The following PRMT7 variants were observed in gnomAD, a reference collection of about 807,000 sequenced individuals.
PRMT7 encodes protein arginine methyltransferase 7, also known as protein arginine N-methyltransferase 7.
A neutral mutation model predicts 85.4 loss-of-function variants in PRMT7; 75 were observed. The ratio of observed to expected loss-of-function variants is 0.88; its 90% CI spans 0.73 to 1.06. PRMT7 has a LOEUF of 1.06. Among genes scored for constraint, PRMT7 ranks in the 50% least tolerant of loss-of-function variants. The pLI is 0.00. For missense variants in PRMT7, 868 were observed against 915.2 expected, an observed-to-expected ratio of 0.95 and a Z score of 0.67; for synonymous variants, 397 against 359.5, an observed-to-expected ratio of 1.10 and a Z score of -1.18.
rs2088896284 is a variant in PRMT7 at position 68,357,980 on chromosome 16, A to C, written c.*756A>C. 6.6e-6 allele frequency: 1 copy of C among 152,274 alleles called. No homozygotes were observed. Among genetic ancestry groups the C allele is most frequent in the Non-Finnish European group, 1.5e-5 (1 of 68,092 alleles). The allele number at this position is 152,274 out of a possible 1,614,324, so 9.4% of individuals were successfully genotyped here. A position where few individuals can be genotyped will look rare whatever the true frequency, so the allele number is the denominator to read the frequency against. On this transcript the variant is annotated 3_prime_UTR_variant, in exon 19 of 19. Transcript: ENST00000441236. ...GCCCCTCCTGCAGGTGGGGTATGGC[A>C]GGGAGCAGCCCCTGCCCAGCGCCGC... is the stretch of plus-strand genomic sequence containing the variant.
downstream of PRMT7, chr16:68,360,172 G>A (rs1467017337): frequency 6.6e-6 from 1 of 152,654 alleles, no homozygotes; most frequent in Non-Finnish European, 1.5e-5. Flanking sequence ...CGGCACGCAG[G>A]TGGGGCACGT....
In PRMT7 at chr16:68,339,908, G is replaced by A. The variant is rs1287523209; in HGVS notation, c.867G>A (p.Glu289=). The A allele has an allele frequency of 1.2e-6, 2 of 1,614,178 alleles. No individual in the cohort carries two copies. The highest frequency in any genetic ancestry group is 1.7e-5 in the Admixed American group (1 of 60,018). Residue 289 remains glutamate, a synonymous_variant, in exon 9 of 19, where the codon GAG becomes GAA. Coordinates refer to ENST00000441236, the MANE Select transcript of PRMT7 (RefSeq NM_019023.5). ...GGTGGGACATTGAAATGGACCCTGAGGGGAAGATCAAGTGCACCATGGCCC... is the reference window on the plus strand; with the variant it reads ...GGTGGGACATTGAAATGGACCCTGAAGGGAAGATCAAGTGCACCATGGCCC... ...LSWWDIEMDP[E]GKIKCTMAPF...
chr16:68,360,625 G>C (rs936836105), downstream of PRMT7: 3 of 153,992 alleles, frequency 1.9e-5, no homozygotes. Flanking sequence ...TGGGCTGGCT[G>C]GTAGAGATGC....
Position 68,339,337 on chromosome 16 carries a change from G to A in PRMT7, c.520G>A (p.Val174Met), listed in dbSNP as rs761001815. 3.2e-5 allele frequency: 51 copies of A among 1,613,900 alleles called. No homozygotes were observed. Among genetic ancestry groups the A allele is most frequent in the Non-Finnish European group, 4.1e-5 (48 of 1,179,916 alleles). ...ATAAACTTAGGAAAATTGTGAGGCC[G>A]TGCCCCACAGAGCCACCGTCTATGC... The part of the protein sequence containing the change: ...RHLVEENCEA[V>M]PHRATVYAQL... The change falls in exon 8 of 19, where the codon GTG (valine) becomes ATG (methionine). Residue 174 changes from valine to methionine, a missense_variant. By Grantham distance (21) the Val-to-Met change is conservative. Transcript: ENST00000441236.
Position 68,315,906 on chromosome 16 carries a change from A to G in PRMT7, c.-74A>G. On this transcript the variant is annotated 5_prime_UTR_variant, in exon 3 of 19. Transcript: ENST00000441236. Reference sequence around the variant, plus strand: ...CTTCTGATGTTAATAGATTTCTGACAGTCAGACTTGTCCACAAGAACTCAA... The same window carrying G: ...CTTCTGATGTTAATAGATTTCTGACGGTCAGACTTGTCCACAAGAACTCAA... The G allele has an allele frequency of 8.2e-7, 1 of 1,219,334 alleles. No homozygotes were observed. The highest frequency in any genetic ancestry group is 1.2e-5 in the South Asian group (1 of 80,472). 75.5% of individuals were successfully genotyped at this position (1,219,334 alleles called of 1,614,324 possible).
Position 68,356,769 on chromosome 16 carries a change from C to G in PRMT7, c.1880C>G (p.Thr627Ser), listed in dbSNP as rs1302353254. 5 of 1,610,384 alleles carry G rather than the reference C, an allele frequency of 3.1e-6. No individual in the cohort carries two copies. The highest frequency in any genetic ancestry group is 4.2e-6 in the Non-Finnish European group (5 of 1,179,612). ...YHLTPECTLSTGLLEPADPEG... is the reference protein window; with the variant it reads ...YHLTPECTLSSGLLEPADPEG... ...CTGACCCCGGAGTGCACGCTCAGCA[C>G]TGGCCTCCTGGAGCCTGCAGACCCC... The change falls in exon 18 of 19, where the codon ACT becomes AGT. Residue 627 changes from threonine to serine, a missense_variant. Coordinates refer to ENST00000441236, the MANE Select transcript of PRMT7 (RefSeq NM_019023.5).
intron 10 of PRMT7, 132 bp from the exon 11 acceptor site, chr16:68,346,013 G>T: frequency 7.0e-7 from 1 of 1,420,850 alleles, no homozygotes; most frequent in Non-Finnish European, 9.6e-7. Context: ...GAGCAGATGC[G>T]TAGGAAAAGT....
intron 1 of PRMT7, chr16:68,311,447 C>G (rs1447659579): frequency 1.8e-5 from 4 of 218,322 alleles, no homozygotes; most frequent in East Asian, 1.7e-4. Flanking sequence ...ACTCACTGTT[C>G]TGAGTAATTG....
rs765684619 is a variant in PRMT7, at chr16:68,352,226, C to A, written c.1414-22C>A. On this transcript the variant is annotated intron_variant, in intron 14 of 18. Coordinates refer to ENST00000441236, the MANE Select transcript of PRMT7 (RefSeq NM_019023.5). ...ACCGAGCCCTACTGACACCTGGGCC[C>A]TGCTTCTCGCCCATTCACCAGGTCT... The A allele has an allele frequency of 8.1e-6, 13 of 1,610,298 alleles. No homozygotes were observed. In the South Asian group the frequency reaches 1.4e-4, roughly 18 times the overall value.
intron 2 of PRMT7, among the ~76,000 whole-genome samples, chr16:68,313,345 C>G (rs984653220): frequency 6.6e-6 from 1 of 152,178 alleles, no homozygotes; most frequent in African/African-American, 2.4e-5. Context: ...AACGATGACT[C>G]TTAACCTTGA....
chr16:68,355,945 C>G, intron 17 of PRMT7, 62 bp downstream of exon 17: 1 of 1,443,508 alleles, frequency 6.9e-7, no homozygotes, highest in Non-Finnish European at 9.2e-7. Context: ...AGTTCTCACC[C>G]CCGTGGTGAG....
chr16:68,328,653 CA>C (rs974697119), intron 5 of PRMT7: 10 of 185,334 alleles, frequency 5.4e-5, no homozygotes, highest in Admixed American at 4.9e-4. Flanking sequence ...TGTGTTCTGC[CA>C]ACAGTGGGGA....
Position 68,347,088 on chromosome 16 carries a change from CAG to C in PRMT7, c.1192-122_1192-121del, listed in dbSNP as rs1425179301. On this transcript the variant is annotated intron_variant, in intron 11 of 18. Transcript: ENST00000441236. Reference sequence around the variant, plus strand: ...TGGGGGTGGTTACTGCATGAGGACGCAGGGGGATGGTCTGAGGTCTGGGCAAG... The same window carrying C: ...TGGGGGTGGTTACTGCATGAGGACGCGGGGATGGTCTGAGGTCTGGGCAAG... The C allele has an allele frequency of 3.0e-5, 25 of 825,814 alleles. No individual in the cohort carries two copies. The African/African-American group carries it at 4.1e-4, about 14-fold the overall frequency. 51.2% of individuals were successfully genotyped at this position (825,814 alleles called of 1,614,324 possible). A position where few individuals can be genotyped will look rare whatever the true frequency, so the allele number is the denominator to read the frequency against.
At chr16:68,343,251 C>T (rs866903909) in intron 9 of PRMT7, among the ~76,000 whole-genome samples, 5 of 152,084 alleles carry the variant, frequency 3.3e-5, no homozygotes, top group Non-Finnish European at 5.9e-5. Flanking sequence ...CTTCGGAGCG[C>T]TACTATGTAT....
At chr16:68,311,580 G>C (rs1329309539) in intron 1 of PRMT7, 3 of 152,476 alleles carry the variant, frequency 2.0e-5, no homozygotes, top group Admixed American at 1.3e-4. Context: ...AAATCCAAAC[G>C]CCTTTCCGAA....
intron 9 of PRMT7, among the ~76,000 whole-genome samples, chr16:68,345,000 G>A (rs183735671): frequency 2.3e-4 from 24 of 103,194 alleles, no homozygotes; most frequent in African/African-American, 9.8e-4. Context: ...TCATTTGAAA[G>A]TAAGTTGCAG....
intron 8 of PRMT7, 48 bp from the exon 9 acceptor site, chr16:68,339,740 A>C (rs2085237031): frequency 1.3e-6 from 2 of 1,590,876 alleles, no homozygotes; most frequent in African/African-American, 2.7e-5. Context: ...TAAAAAATGG[A>C]GTGTGTGAGG....
chr16:68,352,305 C>A lies in PRMT7; in HGVS notation c.1471C>A (p.Leu491Ile), dbSNP rs1273533363. The change falls in exon 15 of 19, where the codon CTC becomes ATC. Residue 491 changes from leucine (L) to isoleucine (I), a missense_variant. Coordinates refer to ENST00000441236, the MANE Select transcript of PRMT7 (RefSeq NM_019023.5). ...FTTSLLPWHN[L>I]YFWYVRTAVD... Reference sequence around the variant, plus strand: ...TACCAGCCTGCTGCCGTGGCACAACCTCTACTTCTGGTACGTGCGGACCGC... The same window carrying A: ...TACCAGCCTGCTGCCGTGGCACAACATCTACTTCTGGTACGTGCGGACCGC... 4 of 1,613,540 alleles carry A rather than the reference C, an allele frequency of 2.5e-6. No homozygotes were observed. The highest frequency in any genetic ancestry group is 2.7e-5 in the African/African-American group (2 of 74,944).
At chr16:68,326,205 C>G (rs909124238) in intron 5 of PRMT7, among the ~76,000 whole-genome samples, 1 of 152,118 alleles carries the variant, frequency 6.6e-6, no homozygotes, top group Non-Finnish European at 1.5e-5. Flanking sequence ...TAAATACTTT[C>G]CCTACAAAAT....
Sources: allele counts gnomAD v4.1 joint callset (sites outside exome capture counted in the v4.1 genomes callset), GRCh38; gene constraint gnomAD v4.1.1; transcripts MANE v1.5; gene names NCBI Gene and HGNC (gene_info 2026-07-23, HGNC 2026-07-21).